The following ATPAF1 variants were observed in gnomAD, a reference collection of about 807,000 sequenced individuals.
ATPAF1 encodes the protein homolog of yeast ATP11.
A neutral mutation model predicts 43.9 loss-of-function variants in ATPAF1; 26 were observed. The ratio of observed to expected loss-of-function variants is 0.59; its 90% confidence interval spans 0.43 to 0.82. The LOEUF (loss-of-function observed/expected upper bound fraction) is 0.82. Ranked by LOEUF, ATPAF1 falls within the 40% of genes least tolerant of loss-of-function variation. ATPAF1 has a pLI of 0.00. For missense variants in ATPAF1, 366 were observed against 435.0 expected, an observed-to-expected ratio of 0.84 and a Z score of 1.41; for synonymous variants, 157 against 168.0, an observed-to-expected ratio of 0.93 and a Z score of 0.50.
chr1:46,662,500 C>A (rs1676409348), intron 2 of ATPAF1, among the ~76,000 whole-genome samples: 1 of 150,240 alleles, frequency 6.7e-6, no homozygotes, highest in African/African-American at 2.5e-5. Flanking sequence ...GACCTCAGCT[C>A]ACTGTAACCT....
chr1:46,636,206 T>G, intron 8 of ATPAF1: 1 of 581,728 alleles, frequency 1.7e-6, no homozygotes, highest in South Asian at 2.0e-5. Context: ...TTTCTTTTTT[T>G]GTCTATTTTC....
exon 9 of ATPAF1, chr1:46,635,757 A>C (rs1675825583): frequency 1.3e-6 from 2 of 1,598,540 alleles, no homozygotes; most frequent in Non-Finnish European, 1.7e-6. Context: ...AACTAGGTGA[A>C]GGGCCAACCT....
chr1:46,652,544 T>C (rs370174546), intron 6 of ATPAF1, 37 bp downstream of exon 6: 18 of 1,597,410 alleles, frequency 1.1e-5, no homozygotes, highest in South Asian at 9.9e-5. Context: ...TTTGGCAACA[T>C]TGATAAGCAA....
chr1:46,668,309 A>C lies in ATPAF1; in HGVS notation c.14T>G (p.Val5Gly), dbSNP rs1383009329. The C allele has an allele frequency of 7.3e-7, 1 of 1,373,154 alleles. No individual in the cohort carries two copies. The highest frequency in any genetic ancestry group is 9.4e-7 in the Non-Finnish European group (1 of 1,058,710). 85.1% of individuals were successfully genotyped at this position (1,373,154 alleles called of 1,614,324 possible). A position where few individuals can be genotyped will look rare whatever the true frequency, so the allele number is the denominator to read the frequency against. Residue 5 changes from valine (V) to glycine (G), a missense_variant, in exon 1 of 9, where the codon GTG (valine) becomes GGG (glycine). Val to Gly is a moderately radical substitution (Grantham distance 109). Around this residue, in one of 2 missense-constraint regions of ATPAF1, gnomAD observed 186 missense variants for 168.5 expected, o/e 1.10. Transcript: ENST00000574428. This position sits in a 1 kb window ranked among gnomAD's most constrained non-coding sequence, Gnocchi z 4.4. ...TCCCGCGCCACCCGCAGCCGCCACC[A>C]CCACAGCAGCCATGGCCGCCCCCGC...
intron 7 of ATPAF1, among the ~76,000 whole-genome samples, chr1:46,643,846 A>C (rs1319928390): frequency 6.6e-6 from 1 of 152,170 alleles, no homozygotes; most frequent in African/African-American, 2.4e-5. Context: ...TGATTTTATG[A>C]AGAATGATCA....
intron 8 of ATPAF1, among the ~76,000 whole-genome samples, chr1:46,637,742 T>A (rs1675868902): frequency 6.6e-6 from 1 of 152,100 alleles, no homozygotes; most frequent in African/African-American, 2.4e-5. Flanking sequence ...ATCAAAAACC[T>A]TTTCCCAAAA....
intron 6 of ATPAF1, 147 bp from the exon 7 acceptor site, chr1:46,645,403 G>GTCCGGTCTGGGCTCACTATAACCTCCACC: frequency 1.5e-6 from 1 of 657,254 alleles, no homozygotes; most frequent in Non-Finnish European, 2.6e-6. Flanking sequence ...TCGCTCTGTT[G>GTCCGGTCTGGGCTCACTATAACCTCCACC]TCCAGGCTGC....
At chr1:46,635,858 T>C in exon 9 of ATPAF1, 1 of 1,614,248 alleles carries the variant, frequency 6.2e-7, no homozygotes, top group South Asian at 1.1e-5. Context: ...AGACATATAT[T>C]TGAACTCATT....
At chr1:46,667,820 T>C (rs1469871929) in intron 1 of ATPAF1, among the ~76,000 whole-genome samples, 1 of 152,180 alleles carries the variant, frequency 6.6e-6, no homozygotes, top group Admixed American at 6.5e-5. Context: ...CCTTAGCGTT[T>C]GGAGAACCAA....
chr1:46,652,768 C>G (rs1006792678), intron 5 of ATPAF1, 140 bp from the exon 6 acceptor site: 8 of 755,408 alleles, frequency 1.1e-5, no homozygotes, highest in South Asian at 1.9e-5. Flanking sequence ...TTTCAAATCA[C>G]TCTTATGACA....
At chr1:46,643,297 C>G (rs375918153) in exon 8 of ATPAF1, 7 of 1,610,956 alleles carry the variant, frequency 4.3e-6, no homozygotes, top group African/African-American at 1.3e-5. Context: ...AGCTTCCCCT[C>G]GGGTCTGCAA....
intron 8 of ATPAF1, chr1:46,636,233 C>T: frequency 3.8e-6 from 2 of 527,884 alleles, no homozygotes; most frequent in Non-Finnish European, 6.9e-6. Context: ...ACAAATTCCT[C>T]AAAGACATAG....
intron 7 of ATPAF1, 144 bp downstream of exon 7, chr1:46,645,017 C>A (rs1676014629): frequency 2.9e-6 from 2 of 695,176 alleles, no homozygotes; most frequent in East Asian, 2.6e-5. Flanking sequence ...TAGTCCAACA[C>A]AAAAAGTATG....
At chr1:46,633,868 CA>C (rs941063478), downstream of ATPAF1, 1 of 455,430 alleles carries the variant, frequency 2.2e-6, no homozygotes, top group African/African-American at 2.0e-5. Flanking sequence ...CCAATAAAAA[CA>C]ACCCCATCTG....
At chr1:46,633,683 C>T (rs557841110), downstream of ATPAF1, 29 of 455,748 alleles carry the variant, frequency 6.4e-5, no homozygotes, top group South Asian at 4.5e-4. Context: ...TCCATGGACA[C>T]ATCCTACTTG....
At chr1:46,654,528 T>TTA (rs1553218333) in intron 4 of ATPAF1, among the ~76,000 whole-genome samples, 46 of 135,264 alleles carry the variant, frequency 3.4e-4, no homozygotes, top group East Asian at 5.4e-4. Context: ...TATTTATTTA[T>TTA]TTATTATTAT....
chr1:46,646,151 AT>A (rs772702020), intron 6 of ATPAF1, among the ~76,000 whole-genome samples: 2 of 152,128 alleles, frequency 1.3e-5, no homozygotes, highest in African/African-American at 4.8e-5. Context: ...CTTTAGAAAA[AT>A]TTTTTTTAAA....
Position 46,665,710 on chromosome 1 carries a change from A to G in ATPAF1, c.267-346T>C, listed in dbSNP as rs1676479169. ...TCACCTCTTCAGACAAGAATCCTAT[A>G]GCCTCCTTACTAGGTGTCAAGCTTT... On this transcript the variant is annotated intron_variant, in intron 1 of 8. Coordinates refer to ENST00000574428, the Ensembl canonical transcript of ATPAF1. 2.6e-6 allele frequency: 4 copies of G among 1,531,874 alleles called. No homozygotes were observed. In the East Asian group the frequency reaches 7.3e-5, roughly 28 times the overall value. 94.9% of individuals were successfully genotyped at this position (1,531,874 alleles called of 1,614,324 possible). A position where few individuals can be genotyped will look rare whatever the true frequency, so the allele number is the denominator to read the frequency against.
intron 1 of ATPAF1, chr1:46,666,253 C>A: frequency 5.6e-6 from 1 of 179,922 alleles, no homozygotes; most frequent in Admixed American, 5.4e-5. Flanking sequence ...TTTCTTCTCT[C>A]TGTAGTGGGC....
Sources: gnomAD v4.1 joint callset for allele counts (sites outside exome capture counted in the v4.1 genomes callset) on GRCh38, gnomAD v4.1.1 for gene constraint, gnomAD v4.1.1 regional missense constraint, Gnocchi (gnomAD v3.1) non-coding constraint, MANE v1.5 for transcripts, NCBI Gene and HGNC (gene_info 2026-07-23, HGNC 2026-07-21) for gene names.